CCSER1: variants seen among roughly 807,000 people sequenced by gnomAD.
The protein encoded by CCSER1 is coiled-coil serine rich protein 1.
CCSER1 carries 41 observed loss-of-function variants against 82.0 expected under a neutral mutation model. The observed-to-expected ratio is 0.50, with a 90% CI of 0.39 to 0.65. The LOEUF is 0.65. Among genes scored for constraint, CCSER1 ranks in the 30% least tolerant of loss-of-function variants. The pLI, the probability that CCSER1 is intolerant of heterozygous loss-of-function variation, is 0.00. For missense variants in CCSER1, 1,119 were observed against 1,064.2 expected, an observed-to-expected ratio of 1.05 and a Z score of -0.72; for synonymous variants, 414 against 383.9, an observed-to-expected ratio of 1.08 and a Z score of -0.92.
In CCSER1 at chr4:91,421,398, G is replaced by A. The variant is rs114514683; in HGVS notation, c.2218-177174G>A. Among the ~76,000 whole-genome samples, 1,088 of 152,262 alleles carry A rather than the reference G, an allele frequency of 7.1e-3. 9 individuals are homozygous for A. Among genetic ancestry groups the A allele is most frequent in the African/African-American group, 0.025 (1,020 of 41,512 alleles). Reference sequence around the variant, plus strand: ...GCCTGAGAACCTTGTGGAGTCGTGGGTGTAAGTCCTGAAATACAGTGGCCA... The same window carrying A: ...GCCTGAGAACCTTGTGGAGTCGTGGATGTAAGTCCTGAAATACAGTGGCCA... On this transcript the variant is annotated intron_variant, in intron 10 of 10. Coordinates refer to ENST00000509176, the MANE Select transcript of CCSER1 (RefSeq NM_001145065.2).
rs569970005 is a variant in CCSER1, at chr4:90,948,344, C to A, written c.2172+24897C>A. Among the ~76,000 whole-genome samples the A allele has an allele frequency of 5.3e-5, 8 of 151,762 alleles. No homozygotes were observed. The South Asian group carries it at 1.7e-3, about 31-fold the overall frequency. The stretch of plus-strand genomic sequence containing the variant: ...GAAATTAGTGTCTTCACTTTTCAGG[C>A]AATCTTTTCCAATTCATTTTCAGGA... On this transcript the variant is annotated intron_variant, in intron 9 of 10. Transcript: ENST00000509176.
At chr4:91,425,206 T>C (rs778936587) in intron 10 of CCSER1, among the ~76,000 whole-genome samples, 9 of 152,124 alleles carry the variant, frequency 5.9e-5, no homozygotes, top group Non-Finnish European at 1.2e-4. Flanking sequence ...TGGGTGAACA[T>C]CTTTTACCTC....
chr4:91,320,625 T>C (rs1304268526), intron 10 of CCSER1, among the ~76,000 whole-genome samples: 1 of 152,090 alleles, frequency 6.6e-6, no homozygotes, highest in Non-Finnish European at 1.5e-5. Flanking sequence ...GGTTTTTGTT[T>C]CTGGCTCACT....
chr4:91,228,039 T>C (rs1186771400), intron 10 of CCSER1, among the ~76,000 whole-genome samples: 2 of 152,100 alleles, frequency 1.3e-5, no homozygotes, highest in Non-Finnish European at 2.9e-5. Flanking sequence ...TTTATTTCAT[T>C]GCTTTAACCA....
rs183426933 is a variant in CCSER1 at position 91,087,402 on chromosome 4, G to A, written c.2217+1408G>A. Among the ~76,000 whole-genome samples the A allele has an allele frequency of 5.9e-5, 9 of 152,154 alleles. No homozygotes were observed. In the East Asian group the frequency reaches 1.2e-3, roughly 20 times the overall value. ...ATAGTTTTTAATGTTATTTTTAAATGCATAATGATTGGGTTTTATTGAAAG... is the reference window on the plus strand; with the variant it reads ...ATAGTTTTTAATGTTATTTTTAAATACATAATGATTGGGTTTTATTGAAAG... On this transcript the variant is annotated intron_variant, in intron 10 of 10. Coordinates refer to ENST00000509176, the MANE Select transcript of CCSER1 (RefSeq NM_001145065.2).
intron 3 of CCSER1, among the ~76,000 whole-genome samples, chr4:90,397,860 G>A (rs1267511491): frequency 3.9e-5 from 6 of 152,124 alleles, no homozygotes; most frequent in African/African-American, 1.4e-4. Context: ...TCCTCACTTG[G>A]TATAATAAAA....
At chr4:90,205,621 G>A (rs1157640551) in intron 1 of CCSER1, among the ~76,000 whole-genome samples, 2 of 152,060 alleles carry the variant, frequency 1.3e-5, no homozygotes. Flanking sequence ...GAGGATTTTT[G>A]CATCGATGTT....
chr4:91,198,719 G>A (rs1039405227), intron 10 of CCSER1, among the ~76,000 whole-genome samples: 1 of 152,092 alleles, frequency 6.6e-6, no homozygotes, highest in Non-Finnish European at 1.5e-5. Flanking sequence ...TTTTGAGGAC[G>A]TGGTGGAAAA....
intron 7 of CCSER1, among the ~76,000 whole-genome samples, chr4:90,790,713 G>A (rs746559272): frequency 4.6e-5 from 7 of 152,134 alleles, no homozygotes; most frequent in Non-Finnish European, 7.3e-5. Context: ...ATCACTATCA[G>A]CATTTTGGTC....
intron 3 of CCSER1, among the ~76,000 whole-genome samples, chr4:90,395,551 C>T (rs1471470667): frequency 6.6e-6 from 1 of 151,912 alleles, no homozygotes; most frequent in Non-Finnish European, 1.5e-5. Flanking sequence ...ACTGTTTGGT[C>T]TAGTGATTGG....
At chr4:91,107,397 G>A (rs34701663) in intron 10 of CCSER1, among the ~76,000 whole-genome samples, 14,462 of 152,116 alleles carry the variant, frequency 0.095, 924 homozygotes, top group East Asian at 0.27. Flanking sequence ...TGGGACTGCA[G>A]GCGCATGCTA....
At chr4:90,266,854 C>T (rs1725327450) in intron 1 of CCSER1, among the ~76,000 whole-genome samples, 1 of 151,928 alleles carries the variant, frequency 6.6e-6, no homozygotes, top group South Asian at 2.1e-4. Flanking sequence ...CTCACTAGGC[C>T]ACAGGGACTA....
At chr4:90,844,014 A>G (rs1042040043) in intron 8 of CCSER1, among the ~76,000 whole-genome samples, 29 of 152,144 alleles carry the variant, frequency 1.9e-4, no homozygotes, top group Admixed American at 1.3e-3. Context: ...CAAGCACTCT[A>G]TGACCTCGTA....
intron 9 of CCSER1, among the ~76,000 whole-genome samples, chr4:90,998,268 C>A (rs904499042): frequency 6.6e-6 from 1 of 151,930 alleles, no homozygotes; most frequent in Non-Finnish European, 1.5e-5. Context: ...TTAGTAGAGA[C>A]GGGGTTTCTC....
intron 6 of CCSER1, among the ~76,000 whole-genome samples, chr4:90,689,310 G>A (rs1456141171): frequency 6.6e-6 from 1 of 152,066 alleles, no homozygotes; most frequent in East Asian, 1.9e-4. Context: ...CATTCAGTAG[G>A]TCAAAGTCTA....
intron 9 of CCSER1, among the ~76,000 whole-genome samples, chr4:90,924,353 TTACA>T (rs1196832594): frequency 6.6e-6 from 1 of 152,086 alleles, no homozygotes; most frequent in Non-Finnish European, 1.5e-5. Flanking sequence ...GCCGTGCAAA[TTACA>T]TTAATTTAAT....
At chr4:91,366,395 C>A (rs181855604) in intron 10 of CCSER1, among the ~76,000 whole-genome samples, 2 of 152,084 alleles carry the variant, frequency 1.3e-5, no homozygotes, top group Admixed American at 1.3e-4. Context: ...TGGCATTGTA[C>A]CATTTATCTG....
At chr4:91,065,689 A>G (rs923069055) in intron 9 of CCSER1, among the ~76,000 whole-genome samples, 2 of 152,084 alleles carry the variant, frequency 1.3e-5, no homozygotes, top group African/African-American at 4.8e-5. Context: ...GTATGTTTAA[A>G]CAAATTCCTT....
intron 1 of CCSER1, among the ~76,000 whole-genome samples, chr4:90,156,366 A>C (rs567182491): frequency 1.3e-5 from 2 of 152,156 alleles, no homozygotes; most frequent in East Asian, 1.9e-4. Context: ...TGGGGTGGAG[A>C]GGTCTGTAGA....
Sources: allele counts gnomAD v4.1 joint callset (sites outside exome capture counted in the v4.1 genomes callset), GRCh38; gene constraint gnomAD v4.1.1; transcripts MANE v1.5; gene names NCBI Gene and HGNC (gene_info 2026-07-23, HGNC 2026-07-21).